WDR17: variants seen among roughly 807,000 people sequenced by gnomAD.
The protein encoded by WDR17 is WD repeat-containing protein 17.
WDR17 carries 143 observed loss-of-function variants against 161.7 expected under a neutral mutation model. That is an observed-to-expected ratio of 0.88 (90% CI 0.77 to 1.02). WDR17 has a LOEUF of 1.02. WDR17 is among the 50% of genes least tolerant of loss of function. WDR17 has a pLI of 0.00. For missense variants in WDR17, 1,469 were observed against 1,520.9 expected, an observed-to-expected ratio of 0.97 and a Z score of 0.57; for synonymous variants, 517 against 515.6, an observed-to-expected ratio of 1.00 and a Z score of -0.04.
chr4:176,109,576 G>A (rs1739368777), intron 1 of WDR17, among the ~76,000 whole-genome samples: 1 of 152,156 alleles, frequency 6.6e-6, no homozygotes. Context: ...AAGAGAAGAG[G>A]AGATGAGAAG....
At chr4:176,137,422 G>T in intron 8 of WDR17, 98 bp from the exon 9 acceptor site, 1 of 892,404 alleles carries the variant, frequency 1.1e-6, no homozygotes, top group Admixed American at 2.2e-5. Flanking sequence ...GAACTAGTCT[G>T]CAAATCACAG....
At chr4:176,128,194 T>G (rs1245120942) in intron 5 of WDR17, among the ~76,000 whole-genome samples, 1 of 152,224 alleles carries the variant, frequency 6.6e-6, no homozygotes, top group African/African-American at 2.4e-5. Context: ...CTAAGTCATA[T>G]GGTAATTCTA....
In WDR17 at chr4:176,177,985, C is replaced by CAAAAAAAAAAAAAAAAAAAA. The variant is rs869298899; in HGVS notation, c.3732+358_3732+377dup. ...GGGCAACAAGAGTGAAACTCCGTCT[C>CAAAAAAAAAAAAAAAAAAAA]AAAAAAAAAAAAAAAAAAAAAAAAA... On this transcript the variant is annotated intron_variant, in intron 28 of 28. Transcript: ENST00000508596. 3.0e-4 allele frequency among the ~76,000 whole-genome samples: 14 copies of CAAAAAAAAAAAAAAAAAAAA among 46,296 alleles called. 1 individual carries two copies. Among genetic ancestry groups the CAAAAAAAAAAAAAAAAAAAA allele is most frequent in the Non-Finnish European group, 3.5e-4 (9 of 26,032 alleles). The allele number at this position is 46,296 out of a possible 152,430, so 30.4% of individuals were successfully genotyped here.
chr4:176,084,528 G>A (rs1735172321), intron 1 of WDR17, among the ~76,000 whole-genome samples: 1 of 151,862 alleles, frequency 6.6e-6, no homozygotes, highest in African/African-American at 2.4e-5. Context: ...TTTGAGGGAG[G>A]ACAAACATCC....
chr4:176,069,826 A>G (rs1397753925), intron 1 of WDR17, among the ~76,000 whole-genome samples: 1 of 152,196 alleles, frequency 6.6e-6, no homozygotes, highest in East Asian at 1.9e-4. Context: ...AAAACCCTTC[A>G]TTACAATACA....
chr4:176,136,137 C>T (rs1469516852), intron 8 of WDR17, among the ~76,000 whole-genome samples: 1 of 151,576 alleles, frequency 6.6e-6, no homozygotes, highest in African/African-American at 2.4e-5. Context: ...TTCAGAGTTT[C>T]ATGATACGAA....
At chr4:176,124,956 G>A in intron 4 of WDR17, 148 bp from the exon 5 acceptor site, 1 of 906,858 alleles carries the variant, frequency 1.1e-6, no homozygotes, top group Non-Finnish European at 1.6e-6. Flanking sequence ...GCATTCACAT[G>A]TCAGTTACGC....
chr4:176,162,526 T>C (rs548180266), intron 21 of WDR17, among the ~76,000 whole-genome samples: 1 of 152,334 alleles, frequency 6.6e-6, no homozygotes, highest in East Asian at 1.9e-4. Flanking sequence ...ATACTGACTT[T>C]GGGCACGTCA....
chr4:176,173,309 C>T lies in WDR17; in HGVS notation c.3287C>T (p.Pro1096Leu), dbSNP rs1278913754. 2.5e-6 allele frequency: 4 copies of T among 1,613,110 alleles called. No individual in the cohort carries two copies. The African/African-American group carries it at 4.0e-5, about 16-fold the overall frequency. ...SSDWTLDTIY[P>L]VLDLLSYIRT... ...GACTGGACTTTGGATACCATATACC[C>T]TGTTCTTGACCTACTGAGCTATATT... The change falls in exon 25 of 29, where the codon CCT becomes CTT. Residue 1096 changes from proline (P) to leucine (L), a missense_variant. Pro to Leu is a moderately conservative substitution (Grantham distance 98). Transcript: ENST00000508596.
rs1352827733 is a variant in WDR17 at position 176,091,522 on chromosome 4, A to G, written c.-6-20053A>G. Among the ~76,000 whole-genome samples, 8 of 152,296 alleles carry G rather than the reference A, an allele frequency of 5.3e-5. 1 individual carries two copies. In the East Asian group the frequency reaches 1.4e-3, roughly 26 times the overall value. On this transcript the variant is annotated intron_variant, in intron 1 of 28. Coordinates refer to ENST00000508596, the MANE Select transcript of WDR17 (RefSeq NM_181265.4). ...ATTAAGAGAAACATTTACAGCAATA[A>G]ATGCCTACATCAAAAAAGTGGAAAA...
chr4:176,119,959 G>C lies in WDR17; in HGVS notation c.400G>C (p.Gly134Arg). The C allele has an allele frequency of 6.2e-7, 1 of 1,614,004 alleles. No individual in the cohort carries two copies. Among genetic ancestry groups the C allele is most frequent in the Non-Finnish European group, 8.5e-7 (1 of 1,179,992 alleles). The change falls in exon 4 of 29, where the codon GGA (glycine) becomes CGA (arginine). Residue 134 changes from glycine to arginine, a missense_variant. Transcript: ENST00000508596. ...CCCACTGTTCATTTGGACCATCTCA[G>C]GACCAGATAGTGGAGTGATTGTACA... is the stretch of plus-strand genomic sequence containing the variant. ...RGPLFIWTIS[G>R]PDSGVIVHKD...
intron 2 of WDR17, among the ~76,000 whole-genome samples, chr4:176,113,939 C>T (rs567859254): frequency 6.6e-6 from 1 of 152,098 alleles, no homozygotes; most frequent in East Asian, 1.9e-4. Flanking sequence ...TTCAATATTA[C>T]TGAATTGTAA....
intron 7 of WDR17, among the ~76,000 whole-genome samples, chr4:176,133,378 TAA>T (rs571544131): frequency 1.2e-4 from 9 of 72,974 alleles, no homozygotes; most frequent in African/African-American, 3.6e-4. Context: ...TCTACTAAGC[TAA>T]AAAAAAAAAA....
chr4:176,081,874 C>T (rs1734788923), intron 1 of WDR17, among the ~76,000 whole-genome samples: 1 of 152,138 alleles, frequency 6.6e-6, no homozygotes, highest in South Asian at 2.1e-4. Flanking sequence ...ACATCATTCT[C>T]CTCCTAGGAT....
In WDR17 at chr4:176,160,092, G is replaced by A; in HGVS notation, c.2624G>A (p.Arg875Lys). The change falls in exon 19 of 29, where the codon AGA (arginine) becomes AAA (lysine). Residue 875 changes from arginine (R) to lysine (K), a missense_variant. By Grantham distance (26) the Arg-to-Lys change is conservative. Coordinates refer to ENST00000508596, the MANE Select transcript of WDR17 (RefSeq NM_181265.4). ...VKKLVHFFMS[R>K]GQLKEALLVA... ...AAGCTAGTCCATTTTTTCATGTCAA[G>A]AGGTCAGCTTAAAGAAGCTCTGCTT... 4 of 1,613,936 alleles carry A rather than the reference G, an allele frequency of 2.5e-6. No homozygotes were observed. The highest frequency in any genetic ancestry group is 3.4e-6 in the Non-Finnish European group (4 of 1,179,900).
intron 5 of WDR17, among the ~76,000 whole-genome samples, chr4:176,127,337 G>A (rs1160184733): frequency 6.6e-6 from 1 of 150,816 alleles, no homozygotes; most frequent in Non-Finnish European, 1.5e-5. Context: ...CTGTCACCCA[G>A]GCTGGAGTGC....
chr4:176,107,513 A>G (rs865808852), intron 1 of WDR17, among the ~76,000 whole-genome samples: 3 of 151,228 alleles, frequency 2.0e-5, no homozygotes. Flanking sequence ...TGTAATAGCT[A>G]AAACATGGAA....
chr4:176,140,033 A>G, intron 10 of WDR17, 59 bp downstream of exon 10: 2 of 1,397,568 alleles, frequency 1.4e-6, no homozygotes, highest in South Asian at 1.3e-5. Flanking sequence ...CACTCATTTG[A>G]TCATTCCAAC....
intron 1 of WDR17, among the ~76,000 whole-genome samples, chr4:176,092,299 C>T (rs1025027866): frequency 6.6e-6 from 1 of 152,070 alleles, no homozygotes; most frequent in African/African-American, 2.4e-5. Flanking sequence ...TCAACATATG[C>T]AAATCAAATT....
Sources: allele counts gnomAD v4.1 joint callset (sites outside exome capture counted in the v4.1 genomes callset), GRCh38; gene constraint gnomAD v4.1.1; transcripts MANE v1.5; gene names NCBI Gene and HGNC (gene_info 2026-07-23, HGNC 2026-07-21).